MRTFB: variants seen among roughly 807,000 people sequenced by gnomAD.
The protein encoded by MRTFB is myocardin-related transcription factor B.
Under a neutral mutation model 104.2 loss-of-function variants are expected in MRTFB, and 29 were observed. The ratio of observed to expected loss-of-function variants is 0.28; its 90% CI spans 0.21 to 0.38. The LOEUF (loss-of-function observed/expected upper bound fraction) is 0.38, where lower values mean the gene tolerates loss of function less well. Ranked by LOEUF, MRTFB falls within the 10% of genes least tolerant of loss-of-function variation. The probability of loss-of-function intolerance (pLI) is 1.00; values close to 1 mark genes in which losing one functional copy is unlikely to be tolerated. For missense variants in MRTFB, 1,270 were observed against 1,341.6 expected (o/e 0.95, Z 0.83); for synonymous variants, 535 against 519.5 (o/e 1.03, Z -0.41).
At chr16:14,226,987 AAAAAG>A (rs1418695300) in intron 8 of MRTFB, among the ~76,000 whole-genome samples, 1 of 151,376 alleles carries the variant, frequency 6.6e-6, no homozygotes, top group Non-Finnish European at 1.5e-5. Flanking sequence ...CTCTTAAAAA[AAAAAG>A]AAACAAGAAA....
chr16:14,126,539 A>G (rs2037119855), intron 2 of MRTFB, among the ~76,000 whole-genome samples: 1 of 152,228 alleles, frequency 6.6e-6, no homozygotes, highest in Non-Finnish European at 1.5e-5. Context: ...TATACTTTTT[A>G]TATTATTTCA....
chr16:14,181,284 A>G (rs2039762329), intron 3 of MRTFB, among the ~76,000 whole-genome samples: 1 of 152,178 alleles, frequency 6.6e-6, no homozygotes, highest in East Asian at 1.9e-4. Context: ...GGTGGTGTTT[A>G]TAATGTTAAA....
intron 2 of MRTFB, among the ~76,000 whole-genome samples, chr16:14,112,030 C>T (rs1308406365): frequency 6.6e-6 from 1 of 152,130 alleles, no homozygotes; most frequent in African/African-American, 2.4e-5. Flanking sequence ...TTTGTGTCCT[C>T]CCACCCCATC....
At chr16:14,060,112 T>C in the MRTFB span, among the ~76,000 whole-genome samples, 108 of 148,630 alleles carry the variant, frequency 7.3e-4, no homozygotes, top group African/African-American at 2.5e-3. Context: ...GTTCAAGCAG[T>C]TCTCATGCCT....
rs767419987 is a variant in MRTFB, at chr16:14,261,292, G to C, written c.3148G>C (p.Asp1050His). 1.9e-6 allele frequency: 3 copies of C among 1,613,996 alleles called. No homozygotes were observed. The highest frequency in any genetic ancestry group is 2.5e-6 in the Non-Finnish European group (3 of 1,179,998). ...TGCAGGTACTCCCTGTCTGTCTCTCGACCTGTCAGACTCAAACTTGGACAA... is the reference window on the plus strand; with the variant it reads ...TGCAGGTACTCCCTGTCTGTCTCTCCACCTGTCAGACTCAAACTTGGACAA... ...FAAGTPCLSLDLSDSNLDNME... is the reference protein window; with the variant it reads ...FAAGTPCLSLHLSDSNLDNME... The change falls in exon 17 of 17, where the codon GAC becomes CAC. Residue 1050 changes from aspartate (D) to histidine (H), a missense_variant. Coordinates refer to ENST00000571589, the MANE Select transcript of MRTFB (RefSeq NM_001308142.2).
At chr16:14,054,803 C>T in the MRTFB span, among the ~76,000 whole-genome samples, 2 of 152,164 alleles carry the variant, frequency 1.3e-5, no homozygotes, top group African/African-American at 4.8e-5. Context: ...AATGGAAGCT[C>T]TGAAGGGCCT....
At chr16:14,243,854 C>G (rs937561902) in intron 10 of MRTFB, among the ~76,000 whole-genome samples, 1 of 127,156 alleles carries the variant, frequency 7.9e-6, no homozygotes, top group African/African-American at 4.1e-5. Flanking sequence ...ATTAGTTTTG[C>G]CTGTTTTGGG....
At chr16:14,225,450 G>A (rs955802272) in intron 8 of MRTFB, among the ~76,000 whole-genome samples, 1 of 152,122 alleles carries the variant, frequency 6.6e-6, no homozygotes, top group Non-Finnish European at 1.5e-5. Flanking sequence ...GTAATTCTAA[G>A]ATGTTATTTG....
chr16:14,131,560 C>G (rs879323217), intron 2 of MRTFB, among the ~76,000 whole-genome samples: 2 of 152,048 alleles, frequency 1.3e-5, no homozygotes. Context: ...CTATAAGGAT[C>G]TGGTATCCAT....
At chr16:14,083,575 A>C (rs915152381) in intron 2 of MRTFB, among the ~76,000 whole-genome samples, 1 of 152,180 alleles carries the variant, frequency 6.6e-6, no homozygotes, top group Non-Finnish European at 1.5e-5. Flanking sequence ...GCAAAGTCCT[A>C]TGCTTACTTC....
intron 3 of MRTFB, among the ~76,000 whole-genome samples, chr16:14,181,006 A>C (rs1567421544): frequency 6.6e-6 from 1 of 152,140 alleles, no homozygotes; most frequent in African/African-American, 2.4e-5. Context: ...CTTATGAAAC[A>C]GCGGTTTTCA....
At chr16:14,249,894 A>AT (rs2043183335) in intron 13 of MRTFB, among the ~76,000 whole-genome samples, 1 of 152,246 alleles carries the variant, frequency 6.6e-6, no homozygotes, top group African/African-American at 2.4e-5. Flanking sequence ...TGTCTGGGTG[A>AT]AACCAGCTTT....
At chr16:14,217,749 C>G (rs2041489482) in intron 7 of MRTFB, among the ~76,000 whole-genome samples, 1 of 152,186 alleles carries the variant, frequency 6.6e-6, no homozygotes, top group African/African-American at 2.4e-5. Context: ...CTAAGTTAAA[C>G]TTATTTAGTT....
At chr16:14,182,398 G>GA (rs997996215) in intron 3 of MRTFB, among the ~76,000 whole-genome samples, 26 of 152,112 alleles carry the variant, frequency 1.7e-4, no homozygotes, top group African/African-American at 5.1e-4. Context: ...CACAAATACA[G>GA]AAAAAAATGA....
At chr16:14,115,370 T>G (rs1021351403) in intron 2 of MRTFB, among the ~76,000 whole-genome samples, 1 of 152,204 alleles carries the variant, frequency 6.6e-6, no homozygotes, top group African/African-American at 2.4e-5. Flanking sequence ...GTTTTTAAGG[T>G]AGAGTTCCAA....
At chr16:14,078,447 G>A (rs1045458186) in intron 1 of MRTFB, among the ~76,000 whole-genome samples, 12 of 151,922 alleles carry the variant, frequency 7.9e-5, no homozygotes, top group Non-Finnish European at 1.6e-4. Flanking sequence ...TTTAGAGACG[G>A]GGTCTCTCTC....
the MRTFB span, among the ~76,000 whole-genome samples, chr16:14,051,877 A>G: frequency 6.6e-6 from 1 of 152,028 alleles, no homozygotes; most frequent in East Asian, 1.9e-4. Flanking sequence ...TTTTCTGATC[A>G]GAACAATTCA....
intron 4 of MRTFB, 152 bp downstream of exon 4, chr16:14,210,460 G>A: frequency 5.2e-6 from 3 of 581,014 alleles, no homozygotes; most frequent in Non-Finnish European, 8.8e-6. Context: ...AGGCACCTAA[G>A]TGAATCATTT....
intron 2 of MRTFB, among the ~76,000 whole-genome samples, chr16:14,108,387 A>G (rs1567331256): frequency 1.3e-5 from 2 of 152,230 alleles, no homozygotes; most frequent in South Asian, 2.1e-4. Flanking sequence ...GAGTTTCATC[A>G]TAAGCTTAAG....
Sources: allele counts gnomAD v4.1 joint callset (sites outside exome capture counted in the v4.1 genomes callset), GRCh38; gene constraint gnomAD v4.1.1; transcripts MANE v1.5; gene names NCBI Gene and HGNC (gene_info 2026-07-23, HGNC 2026-07-21).